The following CADPS variants were observed in gnomAD, a reference collection of about 807,000 sequenced individuals.
The protein encoded by CADPS is calcium dependent secretion activator.
A neutral mutation model predicts 167.3 loss-of-function variants in CADPS; 57 were observed. The observed-to-expected ratio is 0.34, with a 90% CI of 0.28 to 0.42. The LOEUF is 0.42. Ranked by LOEUF, CADPS falls within the 20% of genes least tolerant of loss-of-function variation. The pLI is 1.00. For missense variants in CADPS, 1,414 were observed against 1,738.1 expected (o/e 0.81, Z 3.32); for synonymous variants, 676 against 635.3 (o/e 1.06, Z -0.96).
intron 8 of CADPS, among the ~76,000 whole-genome samples, chr3:62,577,866 C>A (rs1178960193): frequency 6.6e-6 from 1 of 151,892 alleles, no homozygotes; most frequent in East Asian, 1.9e-4. Context: ...GATAACAATA[C>A]AATAAAGAAG....
chr3:62,839,610 C>T (rs983756300), intron 1 of CADPS, among the ~76,000 whole-genome samples: 1 of 152,090 alleles, frequency 6.6e-6, no homozygotes. Context: ...CTAAGACTCA[C>T]CTGTAGGGTT....
intron 13 of CADPS, among the ~76,000 whole-genome samples, chr3:62,525,780 A>G (rs1382208209): frequency 6.6e-6 from 1 of 151,906 alleles, no homozygotes; most frequent in Non-Finnish European, 1.5e-5. Context: ...GAAAGAAAAA[A>G]ATGTGTTACT....
intron 26 of CADPS, among the ~76,000 whole-genome samples, chr3:62,460,077 T>A (rs2059150124): frequency 6.6e-6 from 1 of 152,196 alleles, no homozygotes; most frequent in African/African-American, 2.4e-5. Context: ...AACATTTTTG[T>A]AATAATAAAG....
chr3:62,493,855 G>A (rs58601419), intron 18 of CADPS, among the ~76,000 whole-genome samples, 190 bp from the exon 19 acceptor site: 1,621 of 152,230 alleles, frequency 0.011, 28 homozygotes, highest in African/African-American at 0.036. Flanking sequence ...CTAAAAAGAG[G>A]TATCCTTTTA....
intron 3 of CADPS, among the ~76,000 whole-genome samples, chr3:62,719,131 C>T (rs2075254853): frequency 6.6e-6 from 1 of 152,182 alleles, no homozygotes; most frequent in Non-Finnish European, 1.5e-5. Context: ...GAGATAATGA[C>T]TCAGATCCTG....
At position 62,721,134 on chromosome 3, in the gene CADPS, T is replaced by TA. The variant is rs71631127; in HGVS notation, c.888+32306dup. On this transcript the variant is annotated intron_variant, in intron 3 of 29. Coordinates refer to ENST00000383710, the MANE Select transcript of CADPS (RefSeq NM_003716.4). ...GCCCGGCAGGTTTTTTTTTTTTTTTTAAAAAAAAAAAGAAGAAAAAAGAAA... is the reference window on the plus strand; with the variant it reads ...GCCCGGCAGGTTTTTTTTTTTTTTTTAAAAAAAAAAAAGAAGAAAAAAGAAA... Among the ~76,000 whole-genome samples the TA allele has an allele frequency of 2.0e-3, 228 of 116,180 alleles. 2 individuals are homozygous for TA. Among genetic ancestry groups the TA allele is most frequent in the East Asian group, 5.2e-3 (22 of 4,236 alleles). The allele number at this position is 116,180 out of a possible 152,430, so 76.2% of individuals were successfully genotyped here.
At chr3:62,462,527 C>T (rs942387764) in intron 26 of CADPS, among the ~76,000 whole-genome samples, 11 of 152,352 alleles carry the variant, frequency 7.2e-5, no homozygotes, top group Admixed American at 6.5e-4. Flanking sequence ...TTTGTCGATA[C>T]TCGTCAGCTT....
At chr3:62,549,029 G>C (rs1478416495) in intron 11 of CADPS, among the ~76,000 whole-genome samples, 2 of 152,166 alleles carry the variant, frequency 1.3e-5, no homozygotes, top group Non-Finnish European at 1.5e-5. Flanking sequence ...GTTGCTCAAT[G>C]ACCTAGAATG....
At chr3:62,690,745 C>G (rs1174809167) in intron 3 of CADPS, among the ~76,000 whole-genome samples, 1 of 151,808 alleles carries the variant, frequency 6.6e-6, no homozygotes, top group Non-Finnish European at 1.5e-5. Context: ...AACCCACCTG[C>G]CTACTCACAG....
In CADPS at chr3:62,728,021, T is replaced by C. The variant is rs561087422; in HGVS notation, c.888+25420A>G. ...TATACATTGCACCCTTTGATTATGT[T>C]TATAACTCTACAAGGCCAATAGAGC... On this transcript the variant is annotated intron_variant, in intron 3 of 29. Coordinates refer to ENST00000383710, the MANE Select transcript of CADPS (RefSeq NM_003716.4). Among the ~76,000 whole-genome samples, 122 of 151,956 alleles carry C rather than the reference T, an allele frequency of 8.0e-4. 4 individuals are homozygous for C. The highest frequency in any genetic ancestry group is 2.9e-3 in the African/African-American group (118 of 41,268).
At chr3:62,584,155 C>T (rs1251741794) in intron 8 of CADPS, among the ~76,000 whole-genome samples, 1 of 152,044 alleles carries the variant, frequency 6.6e-6, no homozygotes, top group East Asian at 1.9e-4. Context: ...CAGGTGCCCA[C>T]CACCATGCCC....
intron 3 of CADPS, among the ~76,000 whole-genome samples, chr3:62,715,860 C>CAT (rs1194005343): frequency 7.7e-5 from 11 of 142,558 alleles, no homozygotes; most frequent in Middle Eastern, 3.9e-3. Flanking sequence ...GGGTTCATGC[C>CAT]TCAGCCTCCT....
At position 62,478,165 on chromosome 3, in the gene CADPS, A is replaced by G; in HGVS notation, c.3329+96T>C. 1 of 1,370,334 alleles carries G rather than the reference A, an allele frequency of 7.3e-7. No individual in the cohort carries two copies. The highest frequency in any genetic ancestry group is 1.0e-6 in the Non-Finnish European group (1 of 986,252). The allele number at this position is 1,370,334 out of a possible 1,614,324, so 84.9% of individuals were successfully genotyped here. ...GCAATCCCCTTCTCCAATTAGTTTC[A>G]AACTACAGCCAATTGAAAGAGCAGC... On this transcript the variant is annotated intron_variant, in intron 23 of 29. Transcript: ENST00000383710. The surrounding 1 kb of genome is among the most constrained non-coding windows in gnomAD (Gnocchi z 5.7).
At chr3:62,611,980 C>A (rs1046243504) in intron 6 of CADPS, among the ~76,000 whole-genome samples, 2 of 152,182 alleles carry the variant, frequency 1.3e-5, no homozygotes, top group Non-Finnish European at 2.9e-5. Context: ...CTGTGGAGGA[C>A]AAGGACTCTT....
At chr3:62,707,634 A>G (rs988595454) in intron 3 of CADPS, among the ~76,000 whole-genome samples, 3 of 152,188 alleles carry the variant, frequency 2.0e-5, no homozygotes, top group African/African-American at 7.2e-5. Flanking sequence ...TGAGCACTTG[A>G]AATATGGCTA....
intron 1 of CADPS, among the ~76,000 whole-genome samples, chr3:62,769,747 G>A (rs2088037805): frequency 6.6e-6 from 1 of 152,224 alleles, no homozygotes; most frequent in South Asian, 2.1e-4. Context: ...GTGCTCAGGG[G>A]CAGAATCATG....
chr3:62,621,563 A>G (rs2063170215), intron 6 of CADPS, among the ~76,000 whole-genome samples: 1 of 152,160 alleles, frequency 6.6e-6, no homozygotes. Flanking sequence ...AATATACATA[A>G]TTACAATTTT....
chr3:62,832,138 C>T (rs1294405866), intron 1 of CADPS, among the ~76,000 whole-genome samples: 1 of 152,126 alleles, frequency 6.6e-6, no homozygotes, highest in Admixed American at 6.6e-5. Flanking sequence ...AGAACCAACA[C>T]AGGAGGGTGA....
At chr3:62,408,749 A>C (rs1405690743) in intron 28 of CADPS, among the ~76,000 whole-genome samples, 2 of 152,232 alleles carry the variant, frequency 1.3e-5, no homozygotes, top group Non-Finnish European at 2.9e-5. Flanking sequence ...TTTTCAGAAC[A>C]AGCCATATAT....
Sources: allele counts gnomAD v4.1 joint callset (sites outside exome capture counted in the v4.1 genomes callset), GRCh38; gene constraint gnomAD v4.1.1; non-coding constraint Gnocchi (gnomAD v3.1); transcripts MANE v1.5; gene names NCBI Gene and HGNC (gene_info 2026-07-23, HGNC 2026-07-21).